Variants in GRIA3 observed in about 807,000 individuals in gnomAD.
GRIA3 encodes glutamate receptor 3.
Under a neutral mutation model 63.0 loss-of-function variants are expected in GRIA3, and 3 were observed. The observed-to-expected ratio is 0.05, with a 90% CI of 0.02 to 0.12. The LOEUF (loss-of-function observed/expected upper bound fraction) is 0.12, where lower values mean the gene tolerates loss of function less well. Among genes scored for constraint, GRIA3 ranks in the 10% least tolerant of loss-of-function variants. The pLI, the probability that GRIA3 is intolerant of heterozygous loss-of-function variation, is 1.00. For missense variants in GRIA3, 347 were observed against 700.9 expected (o/e 0.50, Z 5.70); for synonymous variants, 274 against 257.9 (o/e 1.06, Z -0.60).
Position 123,490,514 on chromosome X carries a change from C to G in GRIA3, c.*1804C>G, listed in dbSNP as rs745862750. On this transcript the variant is annotated 3_prime_UTR_variant, in exon 16 of 16. Coordinates refer to ENST00000620443, the MANE Select transcript of GRIA3 (RefSeq NM_007325.5). Reference sequence around the variant, plus strand: ...AGTTGTATAAAACAAACCAACCAACCTACACACAAATGTTTTCATAGGCAC... The same window carrying G: ...AGTTGTATAAAACAAACCAACCAACGTACACACAAATGTTTTCATAGGCAC... 1.8e-5 allele frequency: 2 copies of G among 112,703 alleles called. No individual in the cohort carries two copies. Among genetic ancestry groups the G allele is most frequent in the East Asian group, 5.6e-4 (2 of 3,585 alleles). 9.3% of individuals were successfully genotyped at this position (112,703 alleles called of 1,213,427 possible). A position where few individuals can be genotyped will look rare whatever the true frequency, so the allele number is the denominator to read the frequency against.
intron 12 of GRIA3, among the ~76,000 whole-genome samples, chrX:123,463,696 AAGAAAAAG>A (rs1438192170): frequency 2.6e-4 from 12 of 45,291 alleles, no homozygotes; most frequent in Admixed American, 1.0e-3. Context: ...GAGAGAAAGA[AAGAAAAAG>A]AAAGAAAGAA....
chrX:123,251,671 T>G (rs1189366458), intron 2 of GRIA3, among the ~76,000 whole-genome samples: 1 of 111,661 alleles, frequency 9.0e-6, no homozygotes, highest in African/African-American at 3.3e-5. Context: ...CCTGACCTCG[T>G]GATCTGCCTG....
chrX:123,293,546 A>G (rs1325715554), intron 3 of GRIA3, among the ~76,000 whole-genome samples: 1 of 109,641 alleles, frequency 9.1e-6, no homozygotes, highest in Non-Finnish European at 1.9e-5. Flanking sequence ...ACATCTCTAT[A>G]TATGAGTCAT....
intron 3 of GRIA3, among the ~76,000 whole-genome samples, chrX:123,257,837 C>A (rs1180017466): frequency 1.8e-5 from 2 of 111,121 alleles, no homozygotes; most frequent in Non-Finnish European, 3.8e-5. Flanking sequence ...AATTGTAGCA[C>A]AACCAGGGTA....
At chrX:123,322,132 C>T (rs752595735) in intron 3 of GRIA3, among the ~76,000 whole-genome samples, 3 of 111,786 alleles carry the variant, frequency 2.7e-5, no homozygotes. Context: ...AAGATTATCA[C>T]ACCTTATTTG....
chrX:123,421,060 T>A (rs1028897383), intron 11 of GRIA3, among the ~76,000 whole-genome samples: 7 of 111,048 alleles, frequency 6.3e-5, no homozygotes, highest in South Asian at 3.8e-4. Context: ...ATTTTTTTTT[T>A]AATTCTGGTT....
At chrX:123,310,827 A>G (rs1307216417) in intron 3 of GRIA3, among the ~76,000 whole-genome samples, 1 of 111,385 alleles carries the variant, frequency 9.0e-6, no homozygotes, top group Non-Finnish European at 1.9e-5. Context: ...ATATGGCGAA[A>G]GCCTGTCTTT....
intron 5 of GRIA3, among the ~76,000 whole-genome samples, chrX:123,366,348 G>T (rs1313463131): frequency 9.0e-6 from 1 of 110,839 alleles, no homozygotes; most frequent in East Asian, 2.8e-4. Flanking sequence ...AATCCTAAGG[G>T]TTCTCCTTCG....
At chrX:123,266,926 G>A (rs759414034) in intron 3 of GRIA3, among the ~76,000 whole-genome samples, 86 of 109,016 alleles carry the variant, frequency 7.9e-4, no homozygotes, top group South Asian at 2.4e-3. Flanking sequence ...TCGAAATTCT[G>A]CTGAAATATT....
intron 5 of GRIA3, among the ~76,000 whole-genome samples, chrX:123,378,677 G>T (rs536406047): frequency 4.8e-4 from 53 of 111,027 alleles, no homozygotes; most frequent in African/African-American, 1.5e-3. Context: ...TCCCAAAGTG[G>T]CTGGGATTAC....
Position 123,203,963 on chromosome X carries a change from T to C in GRIA3, c.268+17973T>C, listed in dbSNP as rs189978227. ...CAAATCCTTAGCATAATGCCTGCCA[T>C]AAAGTAAATGCTGCCACTAGTGGGC... is the stretch of plus-strand genomic sequence containing the variant. On this transcript the variant is annotated intron_variant, in intron 2 of 15. Coordinates refer to ENST00000620443, the MANE Select transcript of GRIA3 (RefSeq NM_007325.5). Among the ~76,000 whole-genome samples, 4 of 112,231 alleles carry C rather than the reference T, an allele frequency of 3.6e-5. No homozygotes were observed. In the East Asian group the frequency reaches 8.4e-4, roughly 24 times the overall value.
intron 2 of GRIA3, among the ~76,000 whole-genome samples, chrX:123,208,505 A>C (rs1927953887): frequency 8.9e-6 from 1 of 112,566 alleles, no homozygotes; most frequent in Non-Finnish European, 1.9e-5. Context: ...GACCAAATGA[A>C]GCAAAGATTT....
At position 123,326,136 on chromosome X, in the gene GRIA3, G is replaced by C. The variant is rs759976921; in HGVS notation, c.619G>C (p.Glu207Gln). ...CGTCCAAGAATTCAGGCGCATCATT[G>C]AAGAAATGGACAGGAGGCAGGAAAA... Reference protein sequence around the residue: ...KDVQEFRRIIEEMDRRQEKRY... With the variant: ...KDVQEFRRIIQEMDRRQEKRY... Residue 207 changes from glutamate (E) to glutamine (Q), a missense_variant, in exon 4 of 16, where the codon GAA becomes CAA. By Grantham distance (29) the Glu-to-Gln change is conservative. This residue lies in a region of GRIA3 where 113 missense variants were observed against 130.6 expected (regional missense o/e 0.87). Transcript: ENST00000620443. 1 of 1,207,638 alleles carries C rather than the reference G, an allele frequency of 8.3e-7. No homozygotes were observed. The highest frequency in any genetic ancestry group is 1.8e-5 in the African/African-American group (1 of 57,104).
chrX:123,368,042 A>C (rs2045223859), intron 5 of GRIA3, among the ~76,000 whole-genome samples: 1 of 111,625 alleles, frequency 9.0e-6, no homozygotes, highest in African/African-American at 3.3e-5. Context: ...CTCTACTTCT[A>C]CTCACAACAG....
chrX:123,218,530 G>A (rs910209178), intron 2 of GRIA3, among the ~76,000 whole-genome samples: 15 of 111,076 alleles, frequency 1.4e-4, no homozygotes, highest in Non-Finnish European at 2.6e-4. Flanking sequence ...CGCGATCTCG[G>A]CTCACTGCAA....
At chrX:123,410,642 G>A (rs1219297354) in intron 10 of GRIA3, among the ~76,000 whole-genome samples, 1 of 111,812 alleles carries the variant, frequency 8.9e-6, no homozygotes, top group African/African-American at 3.3e-5. Context: ...GAGAAGCAAG[G>A]GTCCAGTAAC....
At chrX:123,407,993 G>C (rs1569431937) in intron 10 of GRIA3, among the ~76,000 whole-genome samples, 1 of 110,884 alleles carries the variant, frequency 9.0e-6, no homozygotes, top group Non-Finnish European at 1.9e-5. Context: ...ACAGAGTCTT[G>C]CTCTGTCAAC....
intron 5 of GRIA3, among the ~76,000 whole-genome samples, chrX:123,387,468 C>T (rs1250692614): frequency 9.0e-6 from 1 of 111,381 alleles, no homozygotes; most frequent in Admixed American, 9.5e-5. Flanking sequence ...TCCAGTAATA[C>T]ATTGAATAGG....
rs770432285 is a variant in GRIA3 at position 123,489,632 on chromosome X, T to C, written c.*922T>C. ...AGTCAATAGAGCTGAGTATCTAGCATTGAGGTGAGGGAAATGCTGCCTATA... is the reference window on the plus strand; with the variant it reads ...AGTCAATAGAGCTGAGTATCTAGCACTGAGGTGAGGGAAATGCTGCCTATA... On this transcript the variant is annotated 3_prime_UTR_variant, in exon 16 of 16. Transcript: ENST00000620443. 8.9e-6 allele frequency: 1 copy of C among 112,056 alleles called. No individual in the cohort carries two copies. Among genetic ancestry groups the C allele is most frequent in the African/African-American group, 3.3e-5 (1 of 30,703 alleles). The allele number at this position is 112,056 out of a possible 1,213,427, so 9.2% of individuals were successfully genotyped here.
Sources: gnomAD v4.1 joint callset for allele counts (sites outside exome capture counted in the v4.1 genomes callset) on GRCh38, gnomAD v4.1.1 for gene constraint, gnomAD v4.1.1 regional missense constraint, MANE v1.5 for transcripts, NCBI Gene and HGNC (gene_info 2026-07-23, HGNC 2026-07-21) for gene names.